Variants in ELAVL2 observed in about 807,000 individuals in gnomAD.
The protein encoded by ELAVL2 is ELAV-like protein 2.
A neutral mutation model predicts 34.6 loss-of-function variants in ELAVL2; 4 were observed. The observed-to-expected ratio is 0.12, with a 90% CI of 0.06 to 0.26. ELAVL2 has a LOEUF of 0.26. Ranked by LOEUF, ELAVL2 falls within the 10% of genes least tolerant of loss-of-function variation. The probability of loss-of-function intolerance (pLI) is 1.00; values close to 1 mark genes in which losing one functional copy is unlikely to be tolerated. For synonymous variants in ELAVL2, 193 were observed against 154.8 expected, an observed-to-expected ratio of 1.25 and a Z score of -1.83; for missense variants, 432 against 442.8, an observed-to-expected ratio of 0.98 and a Z score of 0.22.
intron 2 of ELAVL2, among the ~76,000 whole-genome samples, chr9:23,738,942 C>A (rs1014491239): frequency 1.3e-5 from 2 of 152,078 alleles, no homozygotes; most frequent in African/African-American, 4.8e-5. Context: ...GCTGGCAATG[C>A]GGCATGACCC....
At chr9:23,810,565 C>T (rs1437979926) in intron 1 of ELAVL2, among the ~76,000 whole-genome samples, 2 of 152,116 alleles carry the variant, frequency 1.3e-5, no homozygotes, top group East Asian at 1.9e-4. Context: ...CATTCTCAAA[C>T]ATGAAAACTG....
intron 3 of ELAVL2, among the ~76,000 whole-genome samples, chr9:23,726,879 A>G (rs1227919299): frequency 1.3e-5 from 2 of 152,118 alleles, no homozygotes; most frequent in African/African-American, 4.8e-5. Flanking sequence ...AAGACTGAAC[A>G]CAGTAGGTAC....
At chr9:23,790,025 T>G (rs1381239163) in intron 1 of ELAVL2, among the ~76,000 whole-genome samples, 1 of 150,802 alleles carries the variant, frequency 6.6e-6, no homozygotes. Context: ...GCTTGAATAA[T>G]CCATTAAGAT....
At chr9:23,796,524 C>CT (rs1554754436) in intron 1 of ELAVL2, among the ~76,000 whole-genome samples, 2 of 152,374 alleles carry the variant, frequency 1.3e-5, no homozygotes, top group South Asian at 4.1e-4. Flanking sequence ...GCTTCACACT[C>CT]TAACGGTAAA....
chr9:23,819,200 C>G (rs1470660831), intron 1 of ELAVL2, among the ~76,000 whole-genome samples: 1 of 152,222 alleles, frequency 6.6e-6, no homozygotes, highest in South Asian at 2.1e-4. Context: ...AAGGTTGATT[C>G]AAGGAATGAT....
chr9:23,698,748 G>A (rs138700778), intron 5 of ELAVL2, among the ~76,000 whole-genome samples: 2 of 152,300 alleles, frequency 1.3e-5, no homozygotes, highest in African/African-American at 2.4e-5. Flanking sequence ...GGTGAAAGAA[G>A]AAGGGGGAGT....
chr9:23,721,734 G>A (rs1420426586), intron 3 of ELAVL2, among the ~76,000 whole-genome samples: 1 of 152,150 alleles, frequency 6.6e-6, no homozygotes, highest in Non-Finnish European at 1.5e-5. Context: ...AAGGGGGAAG[G>A]ATCCTTATGA....
intron 2 of ELAVL2, among the ~76,000 whole-genome samples, chr9:23,741,013 CACAGTAA>C (rs1786225918): frequency 6.6e-6 from 1 of 152,134 alleles, no homozygotes; most frequent in Non-Finnish European, 1.5e-5. Context: ...TTAAGCCCAA[CACAGTAA>C]ACAAGGGAGA....
intron 3 of ELAVL2, among the ~76,000 whole-genome samples, chr9:23,719,467 G>T (rs567860475): frequency 1.2e-3 from 181 of 152,224 alleles, no homozygotes; most frequent in African/African-American, 4.2e-3. Context: ...ATTGCTTAAT[G>T]AAGAACATGA....
chr9:23,837,823 CTT>C, the ELAVL2 span, among the ~76,000 whole-genome samples: 1 of 152,238 alleles, frequency 6.6e-6, no homozygotes, highest in Admixed American at 6.5e-5. Context: ...TAATCATACT[CTT>C]ATACCTTGCC....
At chr9:23,808,440 GGAAAC>G (rs1467784901) in intron 1 of ELAVL2, among the ~76,000 whole-genome samples, 3 of 152,026 alleles carry the variant, frequency 2.0e-5, no homozygotes, top group Non-Finnish European at 4.4e-5. Context: ...AATCTGCACA[GGAAAC>G]CAAGAAATGT....
At chr9:23,785,612 C>T (rs2059586714) in intron 1 of ELAVL2, among the ~76,000 whole-genome samples, 2 of 152,218 alleles carry the variant, frequency 1.3e-5, no homozygotes, top group African/African-American at 2.4e-5. Context: ...GCTCAATCCT[C>T]ACTGTCTCAC....
intron 3 of ELAVL2, among the ~76,000 whole-genome samples, chr9:23,724,087 A>G (rs1423701307): frequency 3.3e-5 from 5 of 152,214 alleles, no homozygotes; most frequent in African/African-American, 4.8e-5. Context: ...CATACTTTGC[A>G]TAAGTTTAAG....
At chr9:23,718,740 G>A (rs774017470) in intron 3 of ELAVL2, among the ~76,000 whole-genome samples, 1 of 152,204 alleles carries the variant, frequency 6.6e-6, no homozygotes, top group Non-Finnish European at 1.5e-5. Flanking sequence ...AAACATTAGT[G>A]AGTGTTGTTT....
intron 1 of ELAVL2, among the ~76,000 whole-genome samples, chr9:23,809,877 T>G (rs2062749456): frequency 6.6e-6 from 1 of 152,204 alleles, no homozygotes. Flanking sequence ...TACTGAAAAC[T>G]TACTGGAGAA....
chr9:23,821,750 GCCCCAC>G (rs2064795556), intron 1 of ELAVL2: 2 of 147,940 alleles, frequency 1.4e-5, no homozygotes, highest in African/African-American at 4.9e-5. Context: ...CGGAACCCCC[GCCCCAC>G]CCGCGCCGCG....
chr9:23,772,415 T>C (rs2057453682), intron 1 of ELAVL2, among the ~76,000 whole-genome samples: 1 of 151,412 alleles, frequency 6.6e-6, no homozygotes, highest in Non-Finnish European at 1.5e-5. Context: ...ACAAATGTTA[T>C]AAAGGCCACA....
chr9:23,835,474 G>T, the ELAVL2 span, among the ~76,000 whole-genome samples: 11 of 151,770 alleles, frequency 7.2e-5, no homozygotes, highest in Admixed American at 4.6e-4. Context: ...CATTTACATA[G>T]GCTAACAGTA....
At chr9:23,841,730 G>C in the ELAVL2 span, among the ~76,000 whole-genome samples, 1 of 152,102 alleles carries the variant, frequency 6.6e-6, no homozygotes, top group East Asian at 1.9e-4. Context: ...TATGTATAAA[G>C]TGAATGATAG....
Sources: allele counts gnomAD v4.1 joint callset (sites outside exome capture counted in the v4.1 genomes callset), GRCh38; gene constraint gnomAD v4.1.1; transcripts MANE v1.5; gene names NCBI Gene and HGNC (gene_info 2026-07-23, HGNC 2026-07-21).